WWOX: variants seen among roughly 807,000 people sequenced by gnomAD.
WWOX encodes WW domain containing oxidoreductase, also known as WW domain-containing oxidoreductase.
A neutral mutation model predicts 46.2 loss-of-function variants in WWOX; 69 were observed. The ratio of observed to expected loss-of-function variants is 1.49; its 90% CI spans 1.23 to 1.82. WWOX has a LOEUF of 1.82. Among genes scored for constraint, WWOX ranks in the 40% most tolerant of loss-of-function variants. The probability of loss-of-function intolerance (pLI) is 0.00; values close to 1 mark genes in which losing one functional copy is unlikely to be tolerated. For synonymous variants in WWOX, 359 were observed against 202.6 expected (o/e 1.77, Z -6.56); for missense variants, 919 against 542.6 (o/e 1.69, Z -6.89).
intron 8 of WWOX, among the ~76,000 whole-genome samples, chr16:78,853,790 G>A (rs1015871485): frequency 3.3e-5 from 5 of 152,112 alleles, no homozygotes. Flanking sequence ...TGAACCAAGA[G>A]ATGCCATAAG....
intron 5 of WWOX, among the ~76,000 whole-genome samples, chr16:78,385,556 A>G (rs2082044250): frequency 6.6e-6 from 1 of 152,148 alleles, no homozygotes; most frequent in African/African-American, 2.4e-5. Context: ...TTTACTGCTC[A>G]AAGCTTAGGA....
intron 8 of WWOX, chr16:79,004,549 C>T (rs2047155750): frequency 1.3e-5 from 2 of 152,380 alleles, no homozygotes; most frequent in African/African-American, 4.8e-5. Flanking sequence ...TGACTGTGAG[C>T]TCAGGTCAGC....
chr16:78,251,036 C>G (rs963518162), intron 5 of WWOX, among the ~76,000 whole-genome samples: 30 of 152,310 alleles, frequency 2.0e-4, no homozygotes, highest in African/African-American at 7.0e-4. Flanking sequence ...TCAGGTGCAT[C>G]TCCCACACAG....
intron 8 of WWOX, among the ~76,000 whole-genome samples, chr16:78,576,242 CTA>C (rs1199503555): frequency 1.8e-4 from 28 of 152,294 alleles, no homozygotes; most frequent in Admixed American, 1.8e-3. Flanking sequence ...TCCAGTTCTT[CTA>C]TGTTTCACCA....
chr16:78,908,624 A>G (rs928700266), intron 8 of WWOX, among the ~76,000 whole-genome samples: 13 of 152,046 alleles, frequency 8.6e-5, no homozygotes, highest in Non-Finnish European at 1.5e-4. Context: ...AGTCTCCCCC[A>G]AAACTCAGGG....
At chr16:78,960,170 C>G (rs2046246038) in intron 8 of WWOX, among the ~76,000 whole-genome samples, 2 of 152,064 alleles carry the variant, frequency 1.3e-5, no homozygotes, top group South Asian at 4.2e-4. Context: ...TTCCAGAAAG[C>G]CATGTTGTGG....
chr16:78,812,173 C>G (rs1024284686), intron 8 of WWOX, among the ~76,000 whole-genome samples: 1 of 151,846 alleles, frequency 6.6e-6, no homozygotes, highest in Non-Finnish European at 1.5e-5. Flanking sequence ...AACTAGGTGT[C>G]CTAACTTGGC....
intron 8 of WWOX, among the ~76,000 whole-genome samples, chr16:78,954,044 A>G (rs2046115773): frequency 6.6e-6 from 1 of 152,224 alleles, no homozygotes; most frequent in South Asian, 2.1e-4. Context: ...TTCCATAGCA[A>G]CACATGTCAA....
At chr16:78,559,506 C>T (rs1567644269) in intron 8 of WWOX, among the ~76,000 whole-genome samples, 1 of 152,172 alleles carries the variant, frequency 6.6e-6, no homozygotes, top group Non-Finnish European at 1.5e-5. Flanking sequence ...TTTTCCCTTT[C>T]CTCCCAAGCA....
chr16:79,080,582 A>G (rs576099998), intron 8 of WWOX, among the ~76,000 whole-genome samples: 2 of 152,200 alleles, frequency 1.3e-5, no homozygotes, highest in African/African-American at 2.4e-5. Context: ...TGAATCTCGA[A>G]TCCAAATTCC....
At chr16:78,961,678 G>T (rs1337037603) in intron 8 of WWOX, among the ~76,000 whole-genome samples, 1 of 152,126 alleles carries the variant, frequency 6.6e-6, no homozygotes, top group Non-Finnish European at 1.5e-5. Flanking sequence ...AATCCCCAAG[G>T]TGAGCTTGTT....
intron 4 of WWOX, among the ~76,000 whole-genome samples, chr16:78,156,304 G>T (rs1477807727): frequency 3.3e-5 from 5 of 152,166 alleles, no homozygotes; most frequent in Admixed American, 6.5e-5. Context: ...TAACAGGTTT[G>T]TTTGGGAAAA....
rs189272708 is a variant in WWOX, at chr16:78,412,064, T to C, written c.606-12806T>C. Reference sequence around the variant, plus strand: ...GGTGCCCTCCAGCAATGGACAGTTATCTGGAGGAGTTCATGCTCCAGAGGT... The same window carrying C: ...GGTGCCCTCCAGCAATGGACAGTTACCTGGAGGAGTTCATGCTCCAGAGGT... On this transcript the variant is annotated intron_variant, in intron 6 of 8. Coordinates refer to ENST00000566780, the MANE Select transcript of WWOX (RefSeq NM_016373.4). Among the ~76,000 whole-genome samples, 132 of 152,240 alleles carry C rather than the reference T, an allele frequency of 8.7e-4. No individual in the cohort carries two copies. The East Asian group carries it at 0.016, about 19-fold the overall frequency.
intron 5 of WWOX, among the ~76,000 whole-genome samples, chr16:78,218,676 C>T (rs1312815254): frequency 6.6e-6 from 1 of 152,156 alleles, no homozygotes; most frequent in Non-Finnish European, 1.5e-5. Flanking sequence ...AGCGTGGTCT[C>T]CATTCTAGAA....
At chr16:79,079,726 C>G (rs781487366) in intron 8 of WWOX, among the ~76,000 whole-genome samples, 1 of 152,164 alleles carries the variant, frequency 6.6e-6, no homozygotes, top group Non-Finnish European at 1.5e-5. Context: ...TTGTTTATGT[C>G]TACCCCAGGC....
At chr16:78,467,529 A>G (rs1004450235) in intron 8 of WWOX, among the ~76,000 whole-genome samples, 1 of 152,192 alleles carries the variant, frequency 6.6e-6, no homozygotes, top group Non-Finnish European at 1.5e-5. Context: ...AAGACTTTTT[A>G]GTTTAAACTG....
chr16:78,908,098 C>G (rs1597135355), intron 8 of WWOX, among the ~76,000 whole-genome samples: 1 of 152,286 alleles, frequency 6.6e-6, no homozygotes, highest in Middle Eastern at 3.4e-3. Context: ...GCTCTGTAAT[C>G]TTCATTTCCT....
intron 8 of WWOX, among the ~76,000 whole-genome samples, chr16:78,958,359 A>T (rs2046210080): frequency 6.6e-6 from 1 of 152,256 alleles, no homozygotes; most frequent in South Asian, 2.1e-4. Flanking sequence ...TAGACAAAAA[A>T]GATGGTACAA....
intron 8 of WWOX, among the ~76,000 whole-genome samples, chr16:78,673,493 A>G (rs1056632022): frequency 6.6e-6 from 1 of 152,198 alleles, no homozygotes; most frequent in South Asian, 2.1e-4. Flanking sequence ...CTTCCAGGAA[A>G]CTCACAGACT....
Sources: allele counts gnomAD v4.1 joint callset (sites outside exome capture counted in the v4.1 genomes callset), GRCh38; gene constraint gnomAD v4.1.1; transcripts MANE v1.5; gene names NCBI Gene and HGNC (gene_info 2026-07-23, HGNC 2026-07-21).